GRAMD2A: variants seen among roughly 807,000 people sequenced by gnomAD.
The protein encoded by GRAMD2A is GRAM domain-containing protein 2A.
In GRAMD2A, 37 loss-of-function variants were observed where a neutral mutation model predicts 51.1. The ratio of observed to expected loss-of-function variants is 0.72; its 90% CI spans 0.56 to 0.95. GRAMD2A has a LOEUF of 0.95. Ranked by LOEUF, GRAMD2A falls within the 40% of genes least tolerant of loss-of-function variation. The probability of loss-of-function intolerance (pLI) is 0.00; values close to 1 mark genes in which losing one functional copy is unlikely to be tolerated. For synonymous variants in GRAMD2A, 136 were observed against 157.1 expected, an observed-to-expected ratio of 0.87 and a Z score of 1.01; for missense variants, 414 against 426.9, an observed-to-expected ratio of 0.97 and a Z score of 0.27.
chr15:72,163,734 C>T lies in GRAMD2A; in HGVS notation c.624G>A (p.Lys208=). Reference sequence around the variant, plus strand: ...TGGAGGAAGGGCATACCTTTCTCCACTTCATCTCAGGGATGAGGACTTCCT... The same window carrying T: ...TGGAGGAAGGGCATACCTTTCTCCATTTCATCTCAGGGATGAGGACTTCCT... ...ESLEVLIPEM[K]WRKVCPSSRS... The change falls in exon 9 of 12, where the codon AAG becomes AAA. Residue 208 remains lysine (K), a synonymous_variant. Coordinates refer to ENST00000309731, the MANE Select transcript of GRAMD2A (RefSeq NM_001012642.3). 6.2e-7 allele frequency: 1 copy of T among 1,608,912 alleles called. No individual in the cohort carries two copies.
intron 1 of GRAMD2A, among the ~76,000 whole-genome samples, chr15:72,183,672 A>G (rs1281897958): frequency 6.6e-6 from 1 of 152,348 alleles, no homozygotes; most frequent in African/African-American, 2.4e-5. Context: ...TCTACTAAAA[A>G]AAATAAATAA....
At chr15:72,193,329 G>A (rs1271691587) in intron 1 of GRAMD2A, among the ~76,000 whole-genome samples, 1 of 148,970 alleles carries the variant, frequency 6.7e-6, no homozygotes, top group Non-Finnish European at 1.5e-5. Context: ...CGATTTTCCT[G>A]CCTCAGCCTC....
chr15:72,194,387 G>A (rs1450383839), intron 1 of GRAMD2A, among the ~76,000 whole-genome samples: 2 of 152,296 alleles, frequency 1.3e-5, no homozygotes, highest in East Asian at 1.9e-4. Flanking sequence ...GGGATTTTGG[G>A]GGGACGGGGA....
At position 72,161,021 on chromosome 15, in the gene GRAMD2A, A is replaced by G. The variant is rs1596671072; in HGVS notation, c.*988T>C. 1 of 152,144 alleles carries G rather than the reference A, an allele frequency of 6.6e-6. No individual in the cohort carries two copies. The highest frequency in any genetic ancestry group is 6.5e-5 in the Admixed American group (1 of 15,282). The allele number at this position is 152,144 out of a possible 1,614,324, so 9.4% of individuals were successfully genotyped here. On this transcript the variant is annotated 3_prime_UTR_variant, in exon 12 of 12. Coordinates refer to ENST00000309731, the MANE Select transcript of GRAMD2A (RefSeq NM_001012642.3). Reference sequence around the variant, plus strand: ...GACCTCTGCCCTGTGATGGCTCAACACCATCACACGCAACTGTCCAGACAA... The same window carrying G: ...GACCTCTGCCCTGTGATGGCTCAACGCCATCACACGCAACTGTCCAGACAA...
chr15:72,163,295 A>T lies in GRAMD2A; in HGVS notation c.927T>A (p.Asp309Glu), dbSNP rs539212254. 3 of 1,613,902 alleles carry T rather than the reference A, an allele frequency of 1.9e-6. No individual in the cohort carries two copies. The highest frequency in any genetic ancestry group is 2.5e-6 in the Non-Finnish European group (3 of 1,179,932). ...CAAAGAAGACCTTGAGGAGCCGGTA[A>T]TCCCAGAGCCTCAGCTCCCCAGTGC... The part of the protein sequence containing the change: ...PRSTGELRLW[D>E]YRLLKVFFVL... The change falls in exon 10 of 12, where the codon GAT (aspartate) becomes GAA (glutamate). Residue 309 changes from aspartate (D) to glutamate (E), a missense_variant. Transcript: ENST00000309731.
chr15:72,177,839 T>C (rs2081665725), intron 1 of GRAMD2A, among the ~76,000 whole-genome samples: 3 of 152,216 alleles, frequency 2.0e-5, no homozygotes, highest in Non-Finnish European at 2.9e-5. Flanking sequence ...GAGATTCTCA[T>C]GTATCAGCCC....
intron 1 of GRAMD2A, among the ~76,000 whole-genome samples, chr15:72,172,039 G>A (rs2081614996): frequency 6.6e-6 from 1 of 151,898 alleles, no homozygotes; most frequent in Non-Finnish European, 1.5e-5. Flanking sequence ...TATTGGCCAA[G>A]CTAGTCTCGA....
At chr15:72,172,649 T>G (rs1300499581) in intron 1 of GRAMD2A, among the ~76,000 whole-genome samples, 4 of 149,674 alleles carry the variant, frequency 2.7e-5, no homozygotes, top group Non-Finnish European at 5.9e-5. Context: ...AGTCTGGTCT[T>G]GAACTCCTGA....
intron 1 of GRAMD2A, among the ~76,000 whole-genome samples, chr15:72,184,475 G>A (rs112074897): frequency 2.6e-4 from 39 of 152,328 alleles, no homozygotes; most frequent in African/African-American, 9.1e-4. Flanking sequence ...CTGGGCTCCC[G>A]GGAAAAGGAG....
chr15:72,162,805 T>G (rs2081493923), intron 10 of GRAMD2A: 1 of 211,656 alleles, frequency 4.7e-6, no homozygotes, highest in African/African-American at 2.3e-5. Context: ...AGGAGGCTGA[T>G]GAGCTAAGGT....
chr15:72,191,126 A>G (rs1485808466), intron 1 of GRAMD2A, among the ~76,000 whole-genome samples: 2 of 152,210 alleles, frequency 1.3e-5, no homozygotes, highest in Admixed American at 6.5e-5. Flanking sequence ...AAACTAAGAA[A>G]TAAGAGTCAA....
At chr15:72,195,992 A>G (rs2081802816) in intron 1 of GRAMD2A, among the ~76,000 whole-genome samples, 1 of 152,194 alleles carries the variant, frequency 6.6e-6, no homozygotes, top group South Asian at 2.1e-4. Flanking sequence ...TACCCTCTTC[A>G]GGCTATTCAG....
At chr15:72,190,357 C>A (rs140635302) in intron 1 of GRAMD2A, among the ~76,000 whole-genome samples, 7 of 151,942 alleles carry the variant, frequency 4.6e-5, no homozygotes, top group Admixed American at 3.9e-4. Context: ...CCAGCCTGGG[C>A]GACAGAGTGA....
chr15:72,197,006 A>C (rs909665693), intron 1 of GRAMD2A, among the ~76,000 whole-genome samples: 1 of 152,210 alleles, frequency 6.6e-6, no homozygotes, highest in Admixed American at 6.5e-5. Context: ...AGGTTCCCCC[A>C]AACAATGTCA....
At chr15:72,191,061 G>A (rs974705488) in intron 1 of GRAMD2A, among the ~76,000 whole-genome samples, 4 of 152,256 alleles carry the variant, frequency 2.6e-5, no homozygotes, top group South Asian at 2.1e-4. Context: ...ATAATACACC[G>A]AAATGACTCA....
At chr15:72,185,460 C>CT (rs2081729033) in intron 1 of GRAMD2A, among the ~76,000 whole-genome samples, 1 of 152,208 alleles carries the variant, frequency 6.6e-6, no homozygotes, top group Admixed American at 6.5e-5. Flanking sequence ...TCCCAAAGTG[C>CT]TGGGATTACA....
intron 1 of GRAMD2A, among the ~76,000 whole-genome samples, chr15:72,197,205 G>C (rs1349089502): frequency 6.6e-6 from 1 of 152,108 alleles, no homozygotes; most frequent in African/African-American, 2.4e-5. Flanking sequence ...AGGCCGCGTC[G>C]TGCTGAGACA....
intron 1 of GRAMD2A, among the ~76,000 whole-genome samples, chr15:72,171,092 C>T (rs2081605979): frequency 6.6e-6 from 1 of 152,198 alleles, no homozygotes; most frequent in African/African-American, 2.4e-5. Context: ...AGCCAGTGAC[C>T]TCACCCACAA....
intron 1 of GRAMD2A, among the ~76,000 whole-genome samples, chr15:72,190,539 T>C (rs1158394803): frequency 6.6e-6 from 1 of 152,254 alleles, no homozygotes; most frequent in Admixed American, 6.5e-5. Context: ...CTCTGTTCTC[T>C]TGTGTCTTCT....
Sources: gnomAD v4.1 joint callset for allele counts (sites outside exome capture counted in the v4.1 genomes callset) on GRCh38, gnomAD v4.1.1 for gene constraint, MANE v1.5 for transcripts, NCBI Gene and HGNC (gene_info 2026-07-23, HGNC 2026-07-21) for gene names.